FTCDNL1: variants seen among roughly 807,000 people sequenced by gnomAD.
FTCDNL1 encodes the protein formiminotransferase N-terminal subdomain-containing protein.
A neutral mutation model predicts 5.9 loss-of-function variants in FTCDNL1; 11 were observed. The observed-to-expected ratio is 1.87, with a 90% CI of 1.18 to 3.10. The LOEUF (loss-of-function observed/expected upper bound fraction) is 3.10, where lower values mean the gene tolerates loss of function less well. FTCDNL1 is among the 30% of genes most tolerant of loss of function. The probability of loss-of-function intolerance (pLI) is 0.00; values close to 1 mark genes in which losing one functional copy is unlikely to be tolerated. For synonymous variants in FTCDNL1, 58 were observed against 24.8 expected (o/e 2.34, Z -3.99); for missense variants, 115 against 65.5 (o/e 1.76, Z -2.61).
the FTCDNL1 span, among the ~76,000 whole-genome samples, chr2:199,703,011 GGTTTGTTTGTTT>G: frequency 7.3e-5 from 11 of 150,614 alleles, no homozygotes; most frequent in South Asian, 2.1e-4. Context: ...AAGGACTCTG[GGTTTGTTTGTTT>G]GTTTGTTTGT....
the FTCDNL1 span, among the ~76,000 whole-genome samples, chr2:199,752,197 C>A: frequency 3.9e-5 from 6 of 152,196 alleles, no homozygotes; most frequent in African/African-American, 1.4e-4. Flanking sequence ...GCACAGCCAA[C>A]CCTCCCTGGA....
At chr2:199,728,027 C>T in the FTCDNL1 span, among the ~76,000 whole-genome samples, 1 of 152,102 alleles carries the variant, frequency 6.6e-6, no homozygotes, top group Non-Finnish European at 1.5e-5. Context: ...CAAGCCCTGC[C>T]CTCAGGGGCT....
the FTCDNL1 span, among the ~76,000 whole-genome samples, chr2:199,721,286 A>T: frequency 1.3e-5 from 2 of 152,042 alleles, no homozygotes; most frequent in African/African-American, 4.8e-5. Context: ...CCCTACTCCC[A>T]ACAGGCTCCA....
At chr2:199,667,172 T>C in the FTCDNL1 span, among the ~76,000 whole-genome samples, 1 of 152,144 alleles carries the variant, frequency 6.6e-6, no homozygotes, top group Non-Finnish European at 1.5e-5. Context: ...CACTCTAACA[T>C]TTTATGGACT....
At chr2:199,844,450 T>C (rs1470044198) in intron 3 of FTCDNL1, 1 of 666,058 alleles carries the variant, frequency 1.5e-6, no homozygotes, top group South Asian at 1.6e-5. Context: ...AGTCCACTGC[T>C]CCCAGGCAAG....
chr2:199,839,743 G>C (rs184999779), intron 3 of FTCDNL1, among the ~76,000 whole-genome samples: 6 of 152,312 alleles, frequency 3.9e-5, no homozygotes, highest in Admixed American at 3.9e-4. Context: ...GGTTTCAGAA[G>C]TCTCAATAGC....
intron 3 of FTCDNL1, among the ~76,000 whole-genome samples, chr2:199,801,388 T>C (rs1017404181): frequency 2.6e-5 from 4 of 152,126 alleles, no homozygotes; most frequent in African/African-American, 9.7e-5. Context: ...GGCTCACGCC[T>C]CTAATCTCAG....
the FTCDNL1 span, among the ~76,000 whole-genome samples, chr2:199,723,368 C>G: frequency 1.3e-5 from 2 of 151,978 alleles, no homozygotes; most frequent in African/African-American, 2.4e-5. Flanking sequence ...ATTTGAATAC[C>G]CTTTATTTCT....
the FTCDNL1 span, among the ~76,000 whole-genome samples, chr2:199,700,244 T>C: frequency 6.6e-6 from 1 of 152,160 alleles, no homozygotes; most frequent in East Asian, 1.9e-4. Flanking sequence ...GTAGCATCGC[T>C]ATATACCAAT....
the FTCDNL1 span, among the ~76,000 whole-genome samples, chr2:199,709,919 AT>A: frequency 0.023 from 3,521 of 152,206 alleles, 143 homozygotes; most frequent in African/African-American, 0.079. Context: ...TCCCATTCAT[AT>A]ATTTGTTAAT....
the FTCDNL1 span, among the ~76,000 whole-genome samples, chr2:199,687,966 G>A: frequency 6.6e-6 from 1 of 152,048 alleles, no homozygotes; most frequent in Non-Finnish European, 1.5e-5. Context: ...ATGTCTCTGG[G>A]TCGCGTGTGG....
chr2:199,750,681 A>G, the FTCDNL1 span, among the ~76,000 whole-genome samples: 3 of 152,220 alleles, frequency 2.0e-5, no homozygotes, highest in Non-Finnish European at 4.4e-5. Context: ...AGAGCCAGGT[A>G]GGGGCCCTGA....
chr2:199,795,344 G>A (rs765015269), intron 3 of FTCDNL1, among the ~76,000 whole-genome samples: 4 of 152,100 alleles, frequency 2.6e-5, no homozygotes, highest in Non-Finnish European at 2.9e-5. Context: ...GCTGAGCCTC[G>A]ATACCTCACT....
intron 3 of FTCDNL1, among the ~76,000 whole-genome samples, chr2:199,765,556 A>ATTTTT (rs374926252): frequency 2.1e-4 from 9 of 42,658 alleles, no homozygotes; most frequent in East Asian, 1.7e-3. Context: ...ATATATATAT[A>ATTTTT]TTTTTTTTTT....
At chr2:199,815,073 A>T (rs997952497) in intron 4 of FTCDNL1, among the ~76,000 whole-genome samples, 2 of 152,220 alleles carry the variant, frequency 1.3e-5, no homozygotes, top group Non-Finnish European at 2.9e-5. Context: ...TTCATACAAC[A>T]TATCAGACAG....
At chr2:199,769,221 A>G (rs536055771) in intron 3 of FTCDNL1, among the ~76,000 whole-genome samples, 1 of 152,178 alleles carries the variant, frequency 6.6e-6, no homozygotes, top group East Asian at 1.9e-4. Flanking sequence ...CCAGAAAAAA[A>G]TTGAAGGAGT....
the FTCDNL1 span, among the ~76,000 whole-genome samples, chr2:199,690,347 A>G: frequency 6.6e-6 from 1 of 152,228 alleles, no homozygotes; most frequent in South Asian, 2.1e-4. Context: ...AGTCCTGAAC[A>G]TGACACCTGA....
chr2:199,782,009 T>C (rs1212804865), intron 3 of FTCDNL1, among the ~76,000 whole-genome samples: 4 of 152,110 alleles, frequency 2.6e-5, no homozygotes, highest in African/African-American at 9.7e-5. Context: ...GGTCTCGATC[T>C]CCTGACCTCG....
At chr2:199,806,369 T>A (rs1234943931), downstream of FTCDNL1, among the ~76,000 whole-genome samples, 2 of 151,900 alleles carry the variant, frequency 1.3e-5, no homozygotes, top group Non-Finnish European at 2.9e-5. Flanking sequence ...AACAACAGAG[T>A]CAAATAAATG....
Sources: gnomAD v4.1 joint callset for allele counts (sites outside exome capture counted in the v4.1 genomes callset) on GRCh38, gnomAD v4.1.1 for gene constraint, MANE v1.5 for transcripts, NCBI Gene and HGNC (gene_info 2026-07-23, HGNC 2026-07-21) for gene names.